The following DNAJB6 variants were observed in gnomAD, a reference collection of about 807,000 sequenced individuals.
DNAJB6 encodes dnaJ homolog subfamily B member 6.
A neutral mutation model predicts 42.7 loss-of-function variants in DNAJB6; 16 were observed. The observed-to-expected ratio is 0.37, with a 90% CI of 0.25 to 0.57. The LOEUF is 0.57. Ranked by LOEUF, DNAJB6 falls within the 20% of genes least tolerant of loss-of-function variation. The pLI is 0.74. For missense variants in DNAJB6, 347 were observed against 416.8 expected (o/e 0.83, Z 1.46); for synonymous variants, 170 against 163.5 (o/e 1.04, Z -0.30).
chr7:157,347,651 A>G, intron 1 of DNAJB6, among the ~76,000 whole-genome samples: 1 of 152,252 alleles, frequency 6.6e-6, no homozygotes, highest in East Asian at 1.9e-4. Context: ...AGTCAGTAAC[A>G]CATTGTTGCC....
chr7:157,368,872 A>ATC (rs1799971124), intron 5 of DNAJB6: 1 of 185,742 alleles, frequency 5.4e-6, no homozygotes, highest in Non-Finnish European at 1.1e-5. Context: ...GTGTCTACAG[A>ATC]TAATACAGGG....
chr7:157,392,593 C>T (rs1300195946), intron 8 of DNAJB6, among the ~76,000 whole-genome samples: 2 of 152,146 alleles, frequency 1.3e-5, no homozygotes, highest in Non-Finnish European at 2.9e-5. Flanking sequence ...CTCGTCCTGT[C>T]TGGTTTCTTG....
rs772543373 is a variant in DNAJB6, at chr7:157,363,145, C to T, written c.66-16C>T. ...CTGGATTTAGAATGTGATCTATATC[C>T]TTTATTCTTTCCAAGATATCGGAAA... is the stretch of plus-strand genomic sequence containing the variant. On this transcript the variant is annotated splice_polypyrimidine_tract_variant and intron_variant, in intron 2 of 9. Transcript: ENST00000262177. 12 of 1,542,668 alleles carry T rather than the reference C, an allele frequency of 7.8e-6. No homozygotes were observed. In the South Asian group the frequency reaches 1.0e-4, roughly 13 times the overall value.
intron 8 of DNAJB6, among the ~76,000 whole-genome samples, chr7:157,398,509 A>T (rs1052166038): frequency 2.0e-5 from 3 of 151,836 alleles, no homozygotes; most frequent in Non-Finnish European, 4.4e-5. Flanking sequence ...CTCCATTCAG[A>T]CTCCATTTGG....
At chr7:157,394,062 T>C (rs1292856230) in intron 8 of DNAJB6, among the ~76,000 whole-genome samples, 3 of 152,216 alleles carry the variant, frequency 2.0e-5, no homozygotes, top group Admixed American at 6.5e-5. Flanking sequence ...TCATATCTTA[T>C]TATTATCCTG....
chr7:157,403,788 G>A (rs945589304), intron 8 of DNAJB6, among the ~76,000 whole-genome samples: 1 of 152,240 alleles, frequency 6.6e-6, no homozygotes, highest in Non-Finnish European at 1.5e-5. Flanking sequence ...CAAAGAGAGC[G>A]GTTATACTTG....
At chr7:157,401,878 G>T (rs1795533949) in intron 8 of DNAJB6, among the ~76,000 whole-genome samples, 1 of 152,212 alleles carries the variant, frequency 6.6e-6, no homozygotes, top group South Asian at 2.1e-4. Context: ...CCAGCAGCGG[G>T]CTGGCGCCTG....
Position 157,366,557 on chromosome 7 carries a change from A to T in DNAJB6, c.231A>T (p.Gly77=). 6.2e-7 allele frequency: 1 copy of T among 1,613,950 alleles called. No homozygotes were observed. The highest frequency in any genetic ancestry group is 8.5e-7 in the Non-Finnish European group (1 of 1,179,922). Residue 77 remains glycine (G), a synonymous_variant, in exon 4 of 10, where the codon GGA becomes GGT. Coordinates refer to ENST00000262177, the MANE Select transcript of DNAJB6 (RefSeq NM_058246.4). The part of the protein sequence containing the change: ...KYGKEGLNGG[G]GGGSHFDSPF... The stretch of plus-strand genomic sequence containing the variant: ...GCAAAGAAGGATTAAATGGTGGAGG[A>T]GGAGGTAAGTACGTGAGTTTTTTCT...
chr7:157,410,029 A>C, intron 9 of DNAJB6, 28 bp downstream of exon 9: 2 of 1,502,470 alleles, frequency 1.3e-6, no homozygotes, highest in Non-Finnish European at 1.8e-6. Context: ...GCCGTGGAGC[A>C]GGCGCAGAGT....
intron 1 of DNAJB6, among the ~76,000 whole-genome samples, chr7:157,345,435 C>G (rs1404900785): frequency 1.3e-5 from 2 of 152,110 alleles, no homozygotes; most frequent in Non-Finnish European, 2.9e-5. Context: ...CCATTTCAGC[C>G]TCCTGCATAG....
In DNAJB6 at chr7:157,406,207, G is replaced by A. The variant is rs550923125; in HGVS notation, c.692-3588G>A. 3.2e-4 allele frequency among the ~76,000 whole-genome samples: 49 copies of A among 152,384 alleles called. 1 individual carries two copies. The South Asian group carries it at 6.0e-3, about 19-fold the overall frequency. On this transcript the variant is annotated intron_variant, in intron 8 of 9. Coordinates refer to ENST00000262177, the MANE Select transcript of DNAJB6 (RefSeq NM_058246.4). Reference sequence around the variant, plus strand: ...TCCCTGTCCATGCCGGCAGTGCACCGTGCCCACGGGAAGCTCGGTGTGGGG... The same window carrying A: ...TCCCTGTCCATGCCGGCAGTGCACCATGCCCACGGGAAGCTCGGTGTGGGG...
At chr7:157,360,318 C>A (rs79118106) in intron 2 of DNAJB6, among the ~76,000 whole-genome samples, 1 of 152,140 alleles carries the variant, frequency 6.6e-6, no homozygotes, top group African/African-American at 2.4e-5. Flanking sequence ...GAGAATAGCA[C>A]GGGAAAGACT....
At chr7:157,365,774 C>T (rs981515799) in intron 3 of DNAJB6, among the ~76,000 whole-genome samples, 1 of 152,068 alleles carries the variant, frequency 6.6e-6, no homozygotes, top group Non-Finnish European at 1.5e-5. Flanking sequence ...AAGCGATTCT[C>T]CTGCTTCAGT....
chr7:157,393,744 G>C (rs1019366478), intron 8 of DNAJB6, among the ~76,000 whole-genome samples: 2 of 151,766 alleles, frequency 1.3e-5, no homozygotes, highest in Admixed American at 6.5e-5. Flanking sequence ...TGTGCAGTGG[G>C]TGATGATCAG....
intron 5 of DNAJB6, among the ~76,000 whole-genome samples, chr7:157,373,133 C>T (rs1292363878): frequency 6.8e-6 from 1 of 147,024 alleles, no homozygotes; most frequent in African/African-American, 2.7e-5. Context: ...ATGATTTCAT[C>T]TTAACTTGAT....
Position 157,356,109 on chromosome 7 carries a change from A to AG in DNAJB6, c.-26-2434dup, listed in dbSNP as rs1491019507. Among the ~76,000 whole-genome samples the AG allele has an allele frequency of 1.3e-4, 19 of 150,392 alleles. No individual in the cohort carries two copies. The Middle Eastern group carries it at 0.01, about 81-fold the overall frequency. ...GCCTCTTGCTATATATAGTGCTCAG[A>AG]GGGGATGATCCAGATGTCTGGCATG... On this transcript the variant is annotated intron_variant, in intron 1 of 9. Transcript: ENST00000262177.
intron 1 of DNAJB6, among the ~76,000 whole-genome samples, chr7:157,343,067 C>T (rs1479052522): frequency 6.6e-6 from 1 of 151,852 alleles, no homozygotes; most frequent in African/African-American, 2.4e-5. Context: ...TCTTGGCTCA[C>T]TGCAACCTTT....
rs114867822 is a variant in DNAJB6 at position 157,348,610 on chromosome 7, C to T, written c.-26-9937C>T. On this transcript the variant is annotated intron_variant, in intron 1 of 9. Coordinates refer to ENST00000262177, the MANE Select transcript of DNAJB6 (RefSeq NM_058246.4). ...GTTTGGAGCATCTTCGTAACCCTGC[C>T]GTCCAGTCATCACTCTCTTAAGTCC... is the stretch of plus-strand genomic sequence containing the variant. Among the ~76,000 whole-genome samples the T allele has an allele frequency of 3.4e-3, 520 of 152,216 alleles. 3 individuals carry two copies. Among genetic ancestry groups the T allele is most frequent in the African/African-American group, 0.012 (496 of 41,530 alleles).
At chr7:157,374,834 T>G (rs1014285546) in intron 5 of DNAJB6, among the ~76,000 whole-genome samples, 1 of 152,194 alleles carries the variant, frequency 6.6e-6, no homozygotes, top group Non-Finnish European at 1.5e-5. Flanking sequence ...GTTTCCTCCC[T>G]TGTATTTTGT....
Sources: gnomAD v4.1 joint callset for allele counts (sites outside exome capture counted in the v4.1 genomes callset) on GRCh38, gnomAD v4.1.1 for gene constraint, MANE v1.5 for transcripts, NCBI Gene and HGNC (gene_info 2026-07-23, HGNC 2026-07-21) for gene names.